The following HPD variants were observed in gnomAD, a reference collection of about 807,000 sequenced individuals.
The protein encoded by HPD is 4-hydroxyphenylpyruvic acid oxidase.
A neutral mutation model predicts 56.9 loss-of-function variants in HPD; 35 were observed. The observed-to-expected ratio is 0.62, with a 90% confidence interval of 0.47 to 0.82. The LOEUF is 0.82. HPD is among the 40% of genes least tolerant of loss of function. The pLI is 0.00. For synonymous variants in HPD, 186 were observed against 200.2 expected (o/e 0.93, Z 0.60); for missense variants, 442 against 506.8 (o/e 0.87, Z 1.23).
At chr12:121,855,496 T>A (rs1566573577) in intron 6 of HPD, among the ~76,000 whole-genome samples, 1 of 152,234 alleles carries the variant, frequency 6.6e-6, no homozygotes, top group Admixed American at 6.5e-5. Context: ...GGTGGGTGGA[T>A]CACTTGAGGT....
the HPD span, among the ~76,000 whole-genome samples, chr12:121,887,268 T>C: frequency 1.3e-5 from 2 of 151,322 alleles, no homozygotes; most frequent in Admixed American, 1.3e-4. Flanking sequence ...CCCAGGCTAG[T>C]CTCAAACTCC....
intron 4 of HPD, chr12:121,857,125 G>A (rs1375207718): frequency 6.9e-6 from 4 of 578,304 alleles, no homozygotes; most frequent in Admixed American, 5.7e-5. Context: ...TGTCGCCCAG[G>A]CTGGAGTGCA....
upstream of HPD, chr12:121,858,921 C>T: frequency 6.9e-7 from 1 of 1,446,772 alleles, no homozygotes. Flanking sequence ...GCCTCCTGGC[C>T]TACCTGGGGG....
At chr12:121,857,506 T>C in intron 3 of HPD, 74 bp from the exon 4 acceptor site, 8 of 1,194,680 alleles carry the variant, frequency 6.7e-6, no homozygotes, top group Middle Eastern at 1.9e-4. Flanking sequence ...AGAGAGCCCC[T>C]GGCCCCCCTC....
At chr12:121,849,837 G>T in intron 7 of HPD, 47 bp from the exon 8 acceptor site, 1 of 1,254,504 alleles carries the variant, frequency 8.0e-7, no homozygotes. Context: ...ACCCATCCCC[G>T]CCGAGGACAG....
chr12:121,842,679 C>G (rs1322098149), intron 12 of HPD, among the ~76,000 whole-genome samples: 2 of 151,600 alleles, frequency 1.3e-5, no homozygotes, highest in African/African-American at 4.8e-5. Flanking sequence ...ATCCACCTGC[C>G]TTGGCCTCCC....
chr12:121,870,038 A>G, the HPD span, among the ~76,000 whole-genome samples: 106 of 151,218 alleles, frequency 7.0e-4, no homozygotes, highest in African/African-American at 2.4e-3. Context: ...TCGGCCTTCC[A>G]CAATGCTGGG....
upstream of HPD, among the ~76,000 whole-genome samples, chr12:121,861,751 G>C (rs12316702): frequency 6.6e-6 from 1 of 152,038 alleles, no homozygotes; most frequent in Non-Finnish European, 1.5e-5. Flanking sequence ...TTTTACAGGC[G>C]TCCACCCGGG....
chr12:121,858,719 G>A lies in HPD; in HGVS notation c.4-6C>T, dbSNP rs762215540. On this transcript the variant is annotated splice_region_variant and splice_polypyrimidine_tract_variant and intron_variant, in intron 1 of 13. Coordinates refer to ENST00000289004, the MANE Select transcript of HPD (RefSeq NM_002150.3). The stretch of plus-strand genomic sequence containing the variant: ...CCTTTGTCACTGTAAGTCGTCTAAG[G>A]AGAAAAAGAAGGACAGTGAGACTTG... 2.2e-5 allele frequency: 35 copies of A among 1,614,008 alleles called. No individual in the cohort carries two copies. Among genetic ancestry groups the A allele is most frequent in the Non-Finnish European group, 3.0e-5 (35 of 1,180,018 alleles).
chr12:121,858,089 A>C lies in HPD; in HGVS notation c.31-270T>G, dbSNP rs144063363. On this transcript the variant is annotated intron_variant, in intron 2 of 13. Transcript: ENST00000289004. ...ACTTATGTTGCAGCAATATGGATTT[A>C]AGTTAGACCTTAGAAAGAACTTCCA... Among the ~76,000 whole-genome samples, 15 of 152,268 alleles carry C rather than the reference A, an allele frequency of 9.9e-5. No homozygotes were observed. In the East Asian group the frequency reaches 2.9e-3, roughly 30 times the overall value.
the HPD span, among the ~76,000 whole-genome samples, chr12:121,876,750 G>A: frequency 1.3e-5 from 2 of 151,996 alleles, no homozygotes; most frequent in Non-Finnish European, 2.9e-5. Flanking sequence ...TCAATACATG[G>A]CTTAACCTCT....
upstream of HPD, among the ~76,000 whole-genome samples, chr12:121,864,580 G>A (rs1275755970): frequency 2.1e-5 from 3 of 143,250 alleles, no homozygotes; most frequent in Admixed American, 7.1e-5. Flanking sequence ...ATGGCCGGGC[G>A]CAGTGGCTCA....
At position 121,850,057 on chromosome 12, in the gene HPD, A is replaced by G. The variant is rs1043389855; in HGVS notation, c.415-267T>C. 8.9e-6 allele frequency: 4 copies of G among 449,980 alleles called. No homozygotes were observed. In the Admixed American group the frequency reaches 1.0e-4, roughly 12 times the overall value. 27.9% of individuals were successfully genotyped at this position (449,980 alleles called of 1,614,324 possible). On this transcript the variant is annotated intron_variant, in intron 7 of 13. Coordinates refer to ENST00000289004, the MANE Select transcript of HPD (RefSeq NM_002150.3). ...GTGCCTGGCACAGGGGAGGTACTCAATGAAGCACCTACTTCATTTATTTCA... is the reference window on the plus strand; with the variant it reads ...GTGCCTGGCACAGGGGAGGTACTCAGTGAAGCACCTACTTCATTTATTTCA...
At chr12:121,850,472 C>CT (rs572420297) in intron 7 of HPD, among the ~76,000 whole-genome samples, 2,721 of 120,160 alleles carry the variant, frequency 0.023, 98 homozygotes, top group African/African-American at 0.065. Context: ...CTTTAACCAT[C>CT]TTTTTTTTTT....
chr12:121,880,288 T>C, the HPD span, among the ~76,000 whole-genome samples: 1 of 152,024 alleles, frequency 6.6e-6, no homozygotes, highest in Non-Finnish European at 1.5e-5. Flanking sequence ...TTGCAACCTC[T>C]GCCTCCCAGG....
At chr12:121,886,895 CT>C in the HPD span, among the ~76,000 whole-genome samples, 1 of 152,070 alleles carries the variant, frequency 6.6e-6, no homozygotes, top group South Asian at 2.1e-4. Context: ...CCCTTTTTAA[CT>C]TTATTATTTA....
In HPD at chr12:121,851,854, C is replaced by T. The variant is rs75044924; in HGVS notation, c.415-2064G>A. ...CCTCCCGAGTAGCTGGGACTACAGG[C>T]GCCCGCTACCACGCCCGGCTACTTT... On this transcript the variant is annotated intron_variant, in intron 7 of 13. Transcript: ENST00000289004. Among the ~76,000 whole-genome samples, 152 of 29,376 alleles carry T rather than the reference C, an allele frequency of 5.2e-3. 2 individuals carry two copies. The highest frequency in any genetic ancestry group is 7.6e-3 in the Admixed American group (27 of 3,574). The allele number at this position is 29,376 out of a possible 152,430, so 19.3% of individuals were successfully genotyped here. A position where few individuals can be genotyped will look rare whatever the true frequency, so the allele number is the denominator to read the frequency against.
chr12:121,886,185 T>C, the HPD span, among the ~76,000 whole-genome samples: 6 of 149,732 alleles, frequency 4.0e-5, no homozygotes, highest in Non-Finnish European at 7.4e-5. Context: ...CTCTGCTCAC[T>C]GCAAGCTCTG....
At chr12:121,863,707 G>T (rs1592926729), upstream of HPD, 1 of 151,922 alleles carries the variant, frequency 6.6e-6, no homozygotes, top group Non-Finnish European at 1.5e-5. Flanking sequence ...TTGAGCCCAG[G>T]AGTTCAAGGG....
Sources: allele counts gnomAD v4.1 joint callset (sites outside exome capture counted in the v4.1 genomes callset), GRCh38; gene constraint gnomAD v4.1.1; transcripts MANE v1.5; gene names NCBI Gene and HGNC (gene_info 2026-07-23, HGNC 2026-07-21).